SSBP2: variants seen among roughly 807,000 people sequenced by gnomAD.
The protein encoded by SSBP2 is single-stranded DNA-binding protein 2.
In SSBP2, 17 loss-of-function variants were observed where a neutral mutation model predicts 61.8. The ratio of observed to expected loss-of-function variants is 0.28; its 90% CI spans 0.19 to 0.41. The LOEUF (loss-of-function observed/expected upper bound fraction) is 0.41, where lower values mean the gene tolerates loss of function less well. Ranked by LOEUF, SSBP2 falls within the 10% of genes least tolerant of loss-of-function variation. The pLI, the probability that SSBP2 is intolerant of heterozygous loss-of-function variation, is 1.00. For synonymous variants in SSBP2, 139 were observed against 141.3 expected (o/e 0.98, Z 0.12); for missense variants, 310 against 458.7 (o/e 0.68, Z 2.96).
chr5:81,566,971 T>C (rs995648031), intron 4 of SSBP2, among the ~76,000 whole-genome samples: 5 of 152,184 alleles, frequency 3.3e-5, no homozygotes, highest in African/African-American at 1.2e-4. Flanking sequence ...AGCAAAGCAT[T>C]CAAGAGGTGA....
chr5:81,435,024 G>A (rs887501742), intron 15 of SSBP2, among the ~76,000 whole-genome samples: 3 of 152,098 alleles, frequency 2.0e-5, no homozygotes, highest in African/African-American at 7.2e-5. Flanking sequence ...CCCAGGGGTC[G>A]GCCAGCTTAG....
rs1580805573 is a variant in SSBP2 at position 81,485,859 on chromosome 5, T to G, written c.432+3391A>C. Among the ~76,000 whole-genome samples the G allele has an allele frequency of 2.6e-5, 4 of 152,258 alleles. No homozygotes were observed. The East Asian group carries it at 7.7e-4, about 29-fold the overall frequency. ...ATTCCAATTAATCACCAAAAATAGT[T>G]TTGCCCATTCTACTTTAATGACTAC... On this transcript the variant is annotated intron_variant, in intron 6 of 16. Coordinates refer to ENST00000320672, the MANE Select transcript of SSBP2 (RefSeq NM_012446.5).
chr5:81,582,703 CT>C (rs1345291797), intron 4 of SSBP2, among the ~76,000 whole-genome samples: 1 of 152,152 alleles, frequency 6.6e-6, no homozygotes, highest in African/African-American at 2.4e-5. Flanking sequence ...AAGCAATTTT[CT>C]TGCCTCTGCC....
At chr5:81,465,247 T>C (rs940111067) in intron 9 of SSBP2, among the ~76,000 whole-genome samples, 1 of 151,942 alleles carries the variant, frequency 6.6e-6, no homozygotes, top group African/African-American at 2.4e-5. Context: ...TAGTAAAATA[T>C]GATGTAATTG....
At chr5:81,585,232 T>C (rs1331363694) in intron 4 of SSBP2, among the ~76,000 whole-genome samples, 1 of 152,074 alleles carries the variant, frequency 6.6e-6, no homozygotes, top group African/African-American at 2.4e-5. Context: ...TTACTCTGTC[T>C]CTCTGGCATA....
chr5:81,689,760 G>T (rs1196816478), intron 1 of SSBP2, among the ~76,000 whole-genome samples: 1 of 152,160 alleles, frequency 6.6e-6, no homozygotes, highest in South Asian at 2.1e-4. Flanking sequence ...ATCATTTAAA[G>T]GTACAAAACT....
chr5:81,483,604 T>A (rs1198661596), intron 6 of SSBP2, among the ~76,000 whole-genome samples: 1 of 152,156 alleles, frequency 6.6e-6, no homozygotes, highest in Non-Finnish European at 1.5e-5. Flanking sequence ...AAGTTATACA[T>A]TGCTGGCTTT....
chr5:81,502,476 G>A (rs1328910981), intron 5 of SSBP2, among the ~76,000 whole-genome samples: 1 of 152,034 alleles, frequency 6.6e-6, no homozygotes, highest in Non-Finnish European at 1.5e-5. Context: ...TGTCATCCAG[G>A]CTCATAGCTT....
At chr5:81,424,316 CAGGAGGCTGAGTTG>C (rs1384650956) in intron 16 of SSBP2, among the ~76,000 whole-genome samples, 1 of 152,040 alleles carries the variant, frequency 6.6e-6, no homozygotes, top group East Asian at 1.9e-4. Flanking sequence ...CCCAGCTACT[CAGGAGGCTGAGTTG>C]GGAGAACTGC....
rs1017447546 is a variant in SSBP2, at chr5:81,414,293, T to C, written c.*6211A>G. 6.9e-5 allele frequency: 10 copies of C among 145,766 alleles called. No homozygotes were observed. Among genetic ancestry groups the C allele is most frequent in the Non-Finnish European group, 9.1e-5 (6 of 66,004 alleles). The allele number at this position is 145,766 out of a possible 1,614,324, so 9.0% of individuals were successfully genotyped here. ...TAGTACTGTATTTAATTTTTAAAGA[T>C]GAAGACAGCAAAAATATTCACATTA... On this transcript the variant is annotated 3_prime_UTR_variant, in exon 17 of 17. Coordinates refer to ENST00000320672, the MANE Select transcript of SSBP2 (RefSeq NM_012446.5).
At chr5:81,719,746 A>T (rs1755421689) in intron 1 of SSBP2, among the ~76,000 whole-genome samples, 1 of 152,166 alleles carries the variant, frequency 6.6e-6, no homozygotes, top group South Asian at 2.1e-4. Flanking sequence ...GAGACAGGGG[A>T]AAGCATGGCA....
Position 81,750,995 on chromosome 5 carries a change from G to A in SSBP2, c.48C>T (p.Ser16=), listed in dbSNP as rs1757731205. Residue 16 remains serine (S), a synonymous_variant, in exon 1 of 17, where the codon AGC becomes AGT. Coordinates refer to ENST00000320672, the MANE Select transcript of SSBP2 (RefSeq NM_012446.5). ...GAGACACTTACTTCTCCCGGGCCTG[G>A]CTGTCGGACGGGACGGCGCTGCTGT... 2 of 1,598,362 alleles carry A rather than the reference G, an allele frequency of 1.3e-6. No homozygotes were observed. Among genetic ancestry groups the A allele is most frequent in the African/African-American group, 1.3e-5 (1 of 74,612 alleles).
At chr5:81,438,074 G>C (rs1451207891) in intron 14 of SSBP2, among the ~76,000 whole-genome samples, 1 of 152,042 alleles carries the variant, frequency 6.6e-6, no homozygotes, top group Non-Finnish European at 1.5e-5. Context: ...TAGAGACCGG[G>C]TGCAGTGGCT....
At chr5:81,605,602 T>C (rs1744808209) in intron 4 of SSBP2, among the ~76,000 whole-genome samples, 1 of 152,172 alleles carries the variant, frequency 6.6e-6, no homozygotes, top group Non-Finnish European at 1.5e-5. Context: ...CTTCCTAAAA[T>C]AAGGGGAAAA....
chr5:81,450,082 G>T (rs1280163347), intron 10 of SSBP2, among the ~76,000 whole-genome samples: 1 of 152,132 alleles, frequency 6.6e-6, no homozygotes, highest in Non-Finnish European at 1.5e-5. Context: ...CCAGGCTGGA[G>T]TGCAATGGGA....
chr5:81,505,135 T>C (rs940959938), intron 5 of SSBP2, among the ~76,000 whole-genome samples: 1 of 150,442 alleles, frequency 6.6e-6, no homozygotes, highest in Non-Finnish European at 1.5e-5. Context: ...ACAGGCCAAA[T>C]GCTGCCCATC....
At chr5:81,452,642 G>C (rs13180125) in intron 10 of SSBP2, among the ~76,000 whole-genome samples, 33,729 of 152,116 alleles carry the variant, frequency 0.22, 4,806 homozygotes, top group Middle Eastern at 0.33. Flanking sequence ...AAAGGAAGAA[G>C]TTAAGATAAT....
intron 1 of SSBP2, among the ~76,000 whole-genome samples, chr5:81,670,700 C>T (rs539918002): frequency 5.9e-5 from 9 of 152,160 alleles, no homozygotes; most frequent in African/African-American, 2.2e-4. Flanking sequence ...TTCCTTAATT[C>T]CCCCTGTGAA....
chr5:81,487,853 A>T (rs1766496634), intron 6 of SSBP2, among the ~76,000 whole-genome samples: 1 of 150,908 alleles, frequency 6.6e-6, no homozygotes, highest in Non-Finnish European at 1.5e-5. Context: ...CCACTGCTCT[A>T]TTCAGCTTCT....
Sources: gnomAD v4.1 joint callset for allele counts (sites outside exome capture counted in the v4.1 genomes callset) on GRCh38, gnomAD v4.1.1 for gene constraint, MANE v1.5 for transcripts, NCBI Gene and HGNC (gene_info 2026-07-23, HGNC 2026-07-21) for gene names.